ACSM3: variants seen among roughly 807,000 people sequenced by gnomAD.
ACSM3 encodes the protein acyl-CoA synthetase medium chain family member 3, also known as acyl-coenzyme A synthetase ACSM3, mitochondrial.
Under a neutral mutation model 74.1 loss-of-function variants are expected in ACSM3, and 61 were observed. The ratio of observed to expected loss-of-function variants is 0.82; its 90% CI spans 0.67 to 1.02. The LOEUF (loss-of-function observed/expected upper bound fraction) is 1.02, where lower values mean the gene tolerates loss of function less well. Among genes scored for constraint, ACSM3 ranks in the 50% least tolerant of loss-of-function variants. The probability of loss-of-function intolerance (pLI) is 0.00; values close to 1 mark genes in which losing one functional copy is unlikely to be tolerated. For missense variants in ACSM3, 660 were observed against 697.0 expected, an observed-to-expected ratio of 0.95 and a Z score of 0.60; for synonymous variants, 213 against 241.5, an observed-to-expected ratio of 0.88 and a Z score of 1.09.
intron 1 of ACSM3, chr16:20,685,230 A>G: frequency 6.2e-7 from 1 of 1,614,166 alleles, no homozygotes; most frequent in Non-Finnish European, 8.5e-7. Context: ...GCCACCACTC[A>G]GGAACTCGAG....
intron 1 of ACSM3, among the ~76,000 whole-genome samples, chr16:20,722,938 C>T (rs1017473375): frequency 9.9e-5 from 15 of 152,080 alleles, no homozygotes; most frequent in African/African-American, 3.1e-4. Flanking sequence ...ATGTGCACAA[C>T]GTGCAGGTTT....
chr16:20,720,141 C>T (rs2079780330), intron 1 of ACSM3, among the ~76,000 whole-genome samples: 1 of 152,164 alleles, frequency 6.6e-6, no homozygotes, highest in Admixed American at 6.5e-5. Context: ...CATGGAAGAC[C>T]ATTTTTCCAT....
At position 20,796,489 on chromosome 16, in the gene ACSM3, G is replaced by GCACCTTACAAAATACAAATAA. The variant is rs1229347178; in HGVS notation, c.1674_1674+1insCACCTTACAAAATACAAATAA (p.Lys558_Val559insHisLeuThrLysTyrLysTer). ...CAGCACCTTACAAATATCCCAGAAA[G>GCACCTTACAAAATACAAATAA]GTAGGCATCCTAATTATAACGAATA... On this transcript the variant is annotated stop_gained and inframe_insertion and splice_region_variant. Coordinates refer to ENST00000289416, the MANE Select transcript of ACSM3 (RefSeq NM_005622.4). LOFTEE classifies it high-confidence loss of function. 6.2e-7 allele frequency: 1 copy of GCACCTTACAAAATACAAATAA among 1,611,364 alleles called. No homozygotes were observed. The highest frequency in any genetic ancestry group is 1.7e-5 in the Admixed American group (1 of 59,242).
chr16:20,777,365 C>A lies in ACSM3; in HGVS notation c.431-8C>A. The A allele has an allele frequency of 6.2e-7, 1 of 1,609,786 alleles. No individual in the cohort carries two copies. The highest frequency in any genetic ancestry group is 1.1e-5 in the South Asian group (1 of 90,726). On this transcript the variant is annotated splice_region_variant and splice_polypyrimidine_tract_variant and intron_variant, in intron 3 of 13. Coordinates refer to ENST00000289416, the MANE Select transcript of ACSM3 (RefSeq NM_005622.4). ...CTTCTAAACACTGTTTCTTTTCTGCCCCTTTAGGGACAGTTTTAATTCCAG... is the reference window on the plus strand; with the variant it reads ...CTTCTAAACACTGTTTCTTTTCTGCACCTTTAGGGACAGTTTTAATTCCAG...
chr16:20,792,318 G>A lies in ACSM3; in HGVS notation c.1537G>A (p.Asp513Asn). 2 of 1,614,000 alleles carry A rather than the reference G, an allele frequency of 1.2e-6. No homozygotes were observed. Among genetic ancestry groups the A allele is most frequent in the Non-Finnish European group, 1.7e-6 (2 of 1,179,910 alleles). Residue 513 changes from aspartate (D) to asparagine (N), a missense_variant, in exon 12 of 14, where the codon GAC becomes AAC. By Grantham distance (23) the Asp-to-Asn change is conservative. Transcript: ENST00000289416. ...VAESAVVSSP[D>N]PIRGEVVKAF... ...AGAGTCAGCTGTTGTCAGCAGCCCA[G>A]ACCCCATCAGAGGAGAGGTAAAAGA...
intron 1 of ACSM3, among the ~76,000 whole-genome samples, chr16:20,691,659 C>T (rs1470512956): frequency 6.6e-6 from 1 of 151,830 alleles, no homozygotes; most frequent in Non-Finnish European, 1.5e-5. Context: ...TTATATGATC[C>T]CATCCCATGA....
In ACSM3 at chr16:20,785,104, A is replaced by G. The variant is rs757346849; in HGVS notation, c.1140A>G (p.Glu380=). 1 of 1,613,104 alleles carries G rather than the reference A, an allele frequency of 6.2e-7. No homozygotes were observed. The highest frequency in any genetic ancestry group is 8.5e-7 in the Non-Finnish European group (1 of 1,179,390). The stretch of plus-strand genomic sequence containing the variant: ...TCTACGAAGGATATGGACAGACTGA[A>G]ACGGTACCTGACCTCACTGAAAAGA... The part of the protein sequence containing the change: ...LDIYEGYGQT[E]TVLICGNFKG... The change falls in exon 8 of 14, where the codon GAA becomes GAG. Residue 380 remains glutamate, a synonymous_variant. Transcript: ENST00000289416.
chr16:20,746,853 T>C (rs2079959914), intron 1 of ACSM3, among the ~76,000 whole-genome samples: 1 of 152,234 alleles, frequency 6.6e-6, no homozygotes, highest in Non-Finnish European at 1.5e-5. Flanking sequence ...TTGACAGATA[T>C]GTTTCTCTAT....
chr16:20,729,476 G>T, intron 1 of ACSM3: 1 of 660,302 alleles, frequency 1.5e-6, no homozygotes, highest in Non-Finnish European at 2.8e-6. Context: ...GCCATTTGAA[G>T]TGGAGAGTGT....
intron 1 of ACSM3, among the ~76,000 whole-genome samples, chr16:20,746,887 C>G (rs2079960049): frequency 6.6e-6 from 1 of 152,064 alleles, no homozygotes; most frequent in South Asian, 2.1e-4. Flanking sequence ...CTTTGAGGGC[C>G]TATGTTCTTA....
intron 1 of ACSM3, among the ~76,000 whole-genome samples, chr16:20,726,877 G>A (rs1190883444): frequency 6.6e-6 from 1 of 152,204 alleles, no homozygotes; most frequent in Non-Finnish European, 1.5e-5. Context: ...TATCAACTCA[G>A]CCCTTTATTA....
chr16:20,716,264 G>C (rs904502431), intron 1 of ACSM3, among the ~76,000 whole-genome samples: 2 of 152,142 alleles, frequency 1.3e-5, no homozygotes, highest in Non-Finnish European at 2.9e-5. Flanking sequence ...TTTTTGTATA[G>C]GGATTGTTGG....
At chr16:20,783,333 T>C (rs1196448583) in intron 7 of ACSM3, 1 of 152,126 alleles carries the variant, frequency 6.6e-6, no homozygotes, top group Non-Finnish European at 1.5e-5. Context: ...TCAGTACAGG[T>C]TGAGTATCCC....
intron 12 of ACSM3, among the ~76,000 whole-genome samples, chr16:20,795,543 G>T (rs538872563): frequency 6.6e-6 from 1 of 152,300 alleles, no homozygotes; most frequent in Admixed American, 6.5e-5. Flanking sequence ...CTTTAAGCTG[G>T]ACAAACGAAT....
At chr16:20,743,076 C>T (rs1460658277) in intron 1 of ACSM3, among the ~76,000 whole-genome samples, 3 of 151,422 alleles carry the variant, frequency 2.0e-5, no homozygotes, top group African/African-American at 7.3e-5. Flanking sequence ...GTAGCTGGGA[C>T]TACAGGCGCC....
At chr16:20,682,508 A>G (rs761045785) in intron 1 of ACSM3, 103 of 1,523,724 alleles carry the variant, frequency 6.8e-5, no homozygotes, top group Non-Finnish European at 9.1e-5. Context: ...CTTTTTCACA[A>G]CCATGGGCTT....
chr16:20,787,965 C>A (rs752577082), intron 9 of ACSM3, among the ~76,000 whole-genome samples: 3 of 152,114 alleles, frequency 2.0e-5, no homozygotes, highest in East Asian at 1.9e-4. Flanking sequence ...AATAACAGAA[C>A]TGATTTCATA....
intron 10 of ACSM3, among the ~76,000 whole-genome samples, 155 bp from the exon 11 acceptor site, chr16:20,791,847 G>A (rs149808645): frequency 0.019 from 2,826 of 151,990 alleles, 82 homozygotes; most frequent in African/African-American, 0.064. Context: ...AGAATCGCTT[G>A]AACCTGGGAG....
intron 1 of ACSM3, chr16:20,682,045 C>T: frequency 3.8e-6 from 2 of 521,554 alleles, no homozygotes; most frequent in East Asian, 3.4e-5. Context: ...AGTAAGCTTC[C>T]CCCTGCACAG....
Sources: allele counts gnomAD v4.1 joint callset (sites outside exome capture counted in the v4.1 genomes callset), GRCh38; gene constraint gnomAD v4.1.1; transcripts MANE v1.5; gene names NCBI Gene and HGNC (gene_info 2026-07-23, HGNC 2026-07-21).